Variants in MGMT observed in about 807,000 individuals in gnomAD.
The protein encoded by MGMT is O-6-methylguanine-DNA methyltransferase.
MGMT carries 14 observed loss-of-function variants against 15.9 expected under a neutral mutation model. The ratio of observed to expected loss-of-function variants is 0.88; its 90% CI spans 0.58 to 1.37. The LOEUF is 1.37. Ranked by LOEUF, MGMT falls within the 40% of genes most tolerant of loss-of-function variation. The probability of loss-of-function intolerance (pLI) is 0.00; values close to 1 mark genes in which losing one functional copy is unlikely to be tolerated. For missense variants in MGMT, 282 were observed against 268.1 expected (o/e 1.05, Z -0.36); for synonymous variants, 130 against 118.2 (o/e 1.10, Z -0.65).
chr10:129,640,671 A>G (rs7905465), intron 2 of MGMT, among the ~76,000 whole-genome samples: 7,300 of 152,262 alleles, frequency 0.048, 211 homozygotes, highest in Middle Eastern at 0.088. Context: ...ATTAGAAGAA[A>G]AATACAGACC....
At chr10:129,763,011 T>C (rs1336628150) in intron 4 of MGMT, among the ~76,000 whole-genome samples, 1 of 152,088 alleles carries the variant, frequency 6.6e-6, no homozygotes, top group Non-Finnish European at 1.5e-5. Flanking sequence ...GAAAAAATAT[T>C]CAGCCGGTAC....
chr10:129,623,747 C>G (rs1847115683), intron 2 of MGMT, among the ~76,000 whole-genome samples: 1 of 152,104 alleles, frequency 6.6e-6, no homozygotes, highest in Admixed American at 6.5e-5. Flanking sequence ...TCACCAACTC[C>G]TGGTCTCAAG....
At chr10:129,484,024 T>C (rs1282750666) in intron 1 of MGMT, among the ~76,000 whole-genome samples, 1 of 152,186 alleles carries the variant, frequency 6.6e-6, no homozygotes, top group Non-Finnish European at 1.5e-5. Flanking sequence ...TTGTGCATGT[T>C]ACAAAATTTT....
In MGMT at chr10:129,659,201, A is replaced by G. The variant is rs1251344990; in HGVS notation, c.126-48694A>G. Among the ~76,000 whole-genome samples the G allele has an allele frequency of 6.6e-6, 1 of 152,044 alleles. No homozygotes were observed. Among genetic ancestry groups the G allele is most frequent in the African/African-American group, 2.4e-5 (1 of 41,370 alleles). On this transcript the variant is annotated intron_variant, in intron 2 of 4. Coordinates refer to ENST00000651593, the MANE Select transcript of MGMT (RefSeq NM_002412.5). This position sits in a 1 kb window ranked among gnomAD's most constrained non-coding sequence, Gnocchi z 4.1. ...GTGAAACCCCATCTCTACTAAAAAT[A>G]CAAAACTTACCTGGGCATGGTGGTG...
At chr10:129,706,356 C>G (rs1412013900) in intron 2 of MGMT, among the ~76,000 whole-genome samples, 1 of 152,188 alleles carries the variant, frequency 6.6e-6, no homozygotes, top group East Asian at 1.9e-4. Context: ...GCAAGTGAAG[C>G]CTTCACTGGG....
intron 2 of MGMT, among the ~76,000 whole-genome samples, chr10:129,667,525 A>G (rs2133110058): frequency 6.6e-6 from 1 of 151,898 alleles, no homozygotes; most frequent in African/African-American, 2.4e-5. Context: ...AGTATCTTCC[A>G]CTCTGATGGA....
intron 3 of MGMT, among the ~76,000 whole-genome samples, chr10:129,755,316 G>A (rs1401513486): frequency 1.3e-5 from 2 of 152,194 alleles, no homozygotes; most frequent in Admixed American, 1.3e-4. Context: ...ACCAGCTCCT[G>A]GGGATTCCCC....
intron 3 of MGMT, among the ~76,000 whole-genome samples, chr10:129,752,526 C>CT (rs34967203): frequency 6.6e-6 from 1 of 151,724 alleles, no homozygotes; most frequent in South Asian, 2.1e-4. Flanking sequence ...TTTGTGCCCT[C>CT]TTTTTTTCCT....
intron 2 of MGMT, chr10:129,702,181 C>T (rs1050129505): frequency 1.3e-5 from 2 of 152,224 alleles, no homozygotes; most frequent in African/African-American, 4.8e-5. Flanking sequence ...CTACCCAGGG[C>T]AGGTCAGTGT....
chr10:129,707,018 T>C (rs747510916), intron 2 of MGMT, among the ~76,000 whole-genome samples: 9 of 152,028 alleles, frequency 5.9e-5, no homozygotes, highest in African/African-American at 9.7e-5. Context: ...TCCCAGCAGT[T>C]TGGGGGGCCC....
chr10:129,719,222 G>T (rs1239412643), intron 3 of MGMT, among the ~76,000 whole-genome samples: 1 of 151,878 alleles, frequency 6.6e-6, no homozygotes, highest in South Asian at 2.1e-4. Flanking sequence ...GAGCTGGTCC[G>T]TGTGTCCACT....
At chr10:129,756,859 G>A (rs902121502) in intron 3 of MGMT, among the ~76,000 whole-genome samples, 5 of 152,182 alleles carry the variant, frequency 3.3e-5, no homozygotes, top group Non-Finnish European at 7.3e-5. Flanking sequence ...TCAACCTCAA[G>A]AACTTCTATT....
chr10:129,610,729 C>T (rs545805538), intron 2 of MGMT, among the ~76,000 whole-genome samples: 2 of 152,318 alleles, frequency 1.3e-5, no homozygotes, highest in African/African-American at 4.8e-5. Flanking sequence ...AAAGTCTGAC[C>T]TGCAAATCTA....
intron 2 of MGMT, among the ~76,000 whole-genome samples, chr10:129,626,162 G>A (rs982075639): frequency 3.3e-5 from 5 of 152,158 alleles, no homozygotes; most frequent in Non-Finnish European, 7.3e-5. Flanking sequence ...ACTGCTCCGC[G>A]CTTGGGAAGA....
chr10:129,574,558 T>C (rs967079307), intron 2 of MGMT, among the ~76,000 whole-genome samples: 1 of 152,234 alleles, frequency 6.6e-6, no homozygotes, highest in Non-Finnish European at 1.5e-5. Flanking sequence ...GTAAAAGGCA[T>C]TGACATTTTC....
At chr10:129,590,439 G>A (rs1846669999) in intron 2 of MGMT, among the ~76,000 whole-genome samples, 3 of 152,134 alleles carry the variant, frequency 2.0e-5, no homozygotes, top group African/African-American at 7.2e-5. Flanking sequence ...TTTTAATAAA[G>A]AGACTGGATA....
chr10:129,639,992 T>C lies in MGMT; in HGVS notation c.126-67903T>C, dbSNP rs546251052. Among the ~76,000 whole-genome samples, 114 of 150,684 alleles carry C rather than the reference T, an allele frequency of 7.6e-4. 3 individuals carry two copies. In the Middle Eastern group the frequency reaches 0.014, roughly 18 times the overall value. Reference sequence around the variant, plus strand: ...GTGAAGTCATATATTAACAATGTTATGATGAGAGGGGCCATTGCTACAAAA... The same window carrying C: ...GTGAAGTCATATATTAACAATGTTACGATGAGAGGGGCCATTGCTACAAAA... On this transcript the variant is annotated intron_variant, in intron 2 of 4. Transcript: ENST00000651593.
intron 2 of MGMT, among the ~76,000 whole-genome samples, chr10:129,696,702 G>A (rs1449867075): frequency 6.6e-6 from 1 of 152,260 alleles, no homozygotes; most frequent in Non-Finnish European, 1.5e-5. Context: ...TGAGCACTGG[G>A]AATGTGCTGG....
chr10:129,517,483 CTT>C (rs927390527), intron 1 of MGMT, among the ~76,000 whole-genome samples: 1 of 152,210 alleles, frequency 6.6e-6, no homozygotes, highest in Non-Finnish European at 1.5e-5. Context: ...GCTCTGGCAA[CTT>C]TCTCTACCTC....
Sources: gnomAD v4.1 joint callset for allele counts (sites outside exome capture counted in the v4.1 genomes callset) on GRCh38, gnomAD v4.1.1 for gene constraint, Gnocchi (gnomAD v3.1) non-coding constraint, MANE v1.5 for transcripts, NCBI Gene and HGNC (gene_info 2026-07-23, HGNC 2026-07-21) for gene names.